Variants in VAV3 observed in about 807,000 individuals in gnomAD.
The protein encoded by VAV3 is vav guanine nucleotide exchange factor 3.
A neutral mutation model predicts 131.2 loss-of-function variants in VAV3; 94 were observed. The observed-to-expected ratio is 0.72, with a 90% CI of 0.61 to 0.85. The LOEUF (loss-of-function observed/expected upper bound fraction) is 0.85. VAV3 is among the 40% of genes least tolerant of loss of function. The pLI, the probability that VAV3 is intolerant of heterozygous loss-of-function variation, is 0.00. For synonymous variants in VAV3, 349 were observed against 342.0 expected, an observed-to-expected ratio of 1.02 and a Z score of -0.22; for missense variants, 939 against 1,002.7, an observed-to-expected ratio of 0.94 and a Z score of 0.86.
intron 1 of VAV3, among the ~76,000 whole-genome samples, chr1:107,917,028 C>A (rs1479758760): frequency 6.6e-6 from 1 of 152,098 alleles, no homozygotes; most frequent in Non-Finnish European, 1.5e-5. Context: ...TGGTGACGAT[C>A]AGATTGTCCA....
At chr1:107,604,293 T>C (rs1652096069) in intron 22 of VAV3, among the ~76,000 whole-genome samples, 1 of 152,118 alleles carries the variant, frequency 6.6e-6, no homozygotes, top group African/African-American at 2.4e-5. Context: ...AAAACGCACA[T>C]GACAGGCATT....
At chr1:107,859,650 C>T (rs193262634) in intron 2 of VAV3, among the ~76,000 whole-genome samples, 53 of 152,230 alleles carry the variant, frequency 3.5e-4, no homozygotes, top group African/African-American at 1.3e-3. Context: ...TTTATTCAAA[C>T]TCAAAGAGGA....
chr1:107,590,499 T>C (rs1650863723), intron 25 of VAV3, among the ~76,000 whole-genome samples: 1 of 152,178 alleles, frequency 6.6e-6, no homozygotes, highest in South Asian at 2.1e-4. Flanking sequence ...ATGTGAACTA[T>C]GAAATGGAGT....
chr1:107,926,177 G>A (rs1673150656), intron 1 of VAV3, among the ~76,000 whole-genome samples: 1 of 152,096 alleles, frequency 6.6e-6, no homozygotes, highest in Non-Finnish European at 1.5e-5. Flanking sequence ...AGCTACTCGC[G>A]AGGCTGAGGT....
intron 1 of VAV3, among the ~76,000 whole-genome samples, chr1:107,888,146 T>C (rs1309702888): frequency 1.3e-5 from 2 of 152,160 alleles, no homozygotes; most frequent in African/African-American, 4.8e-5. Context: ...ATAAAATACA[T>C]CAGAGAACAC....
At chr1:107,924,229 A>T (rs764463031) in intron 1 of VAV3, among the ~76,000 whole-genome samples, 68 of 152,200 alleles carry the variant, frequency 4.5e-4, no homozygotes, top group Non-Finnish European at 9.3e-4. Context: ...TTGAAGGCAA[A>T]GAATTAAAAA....
Position 107,574,068 on chromosome 1 carries a change from C to A in VAV3, c.2481G>T (p.Trp827Cys). Residue 827 changes from tryptophan to cysteine, a missense_variant, in exon 26 of 27, where the codon TGG becomes TGT. Physicochemically the swap from Trp to Cys is radical, Grantham distance 215. Coordinates refer to ENST00000370056, the MANE Select transcript of VAV3 (RefSeq NM_006113.5). ...IYTKMSANGW[W>C]RGEVNGRVGW... ...TTACCCTGCCATTTACTTCTCCTCT[C>A]CACCAGCCATTTGCACTCATCTTTG... is the stretch of plus-strand genomic sequence containing the variant. 6.2e-7 allele frequency: 1 copy of A among 1,614,158 alleles called. No homozygotes were observed. Among genetic ancestry groups the A allele is most frequent in the Non-Finnish European group, 8.5e-7 (1 of 1,180,014 alleles).
intron 15 of VAV3, among the ~76,000 whole-genome samples, chr1:107,715,444 T>C (rs554569826): frequency 6.6e-5 from 10 of 152,268 alleles, no homozygotes; most frequent in African/African-American, 2.4e-4. Flanking sequence ...CCTGAATAAA[T>C]TGAGATAATG....
rs184094112 is a variant in VAV3 at position 107,654,892 on chromosome 1, A to G, written c.1778-12137T>C. Among the ~76,000 whole-genome samples the G allele has an allele frequency of 5.5e-4, 84 of 152,256 alleles. No individual in the cohort carries two copies. In the East Asian group the frequency reaches 0.016, roughly 28 times the overall value. Reference sequence around the variant, plus strand: ...ATAGTACCTACATTCTAAAAGTATAATAAAAATATACAACAATAAAAATGT... The same window carrying G: ...ATAGTACCTACATTCTAAAAGTATAGTAAAAATATACAACAATAAAAATGT... On this transcript the variant is annotated intron_variant, in intron 19 of 26. Coordinates refer to ENST00000370056, the MANE Select transcript of VAV3 (RefSeq NM_006113.5).
chr1:107,813,343 AAAGC>A (rs2102337046), intron 2 of VAV3, among the ~76,000 whole-genome samples: 1 of 152,316 alleles, frequency 6.6e-6, no homozygotes, highest in Admixed American at 6.5e-5. Context: ...CAGCATGAGC[AAAGC>A]AAACTTACTC....
chr1:107,611,367 AC>A (rs1652713250), intron 21 of VAV3, among the ~76,000 whole-genome samples: 3 of 152,170 alleles, frequency 2.0e-5, no homozygotes, highest in African/African-American at 7.2e-5. Context: ...ATCCTAATAA[AC>A]AGCAATTAAT....
chr1:107,616,521 C>A (rs940337526), intron 21 of VAV3, among the ~76,000 whole-genome samples: 2 of 152,136 alleles, frequency 1.3e-5, no homozygotes, highest in African/African-American at 4.8e-5. Flanking sequence ...ATAATCTGTA[C>A]ACCAAACCCC....
intron 2 of VAV3, among the ~76,000 whole-genome samples, chr1:107,795,533 C>A (rs529142194): frequency 6.6e-6 from 1 of 152,082 alleles, no homozygotes; most frequent in Non-Finnish European, 1.5e-5. Flanking sequence ...CCCCTCCCCC[C>A]AGGAAAAAAA....
At chr1:107,620,035 A>T (rs1653448958) in intron 20 of VAV3, among the ~76,000 whole-genome samples, 2 of 152,188 alleles carry the variant, frequency 1.3e-5, no homozygotes, top group African/African-American at 4.8e-5. Context: ...GTGATACATG[A>T]AGTAGTAGTG....
chr1:107,656,887 C>T (rs146742823), intron 19 of VAV3, among the ~76,000 whole-genome samples: 18 of 151,512 alleles, frequency 1.2e-4, no homozygotes, highest in African/African-American at 4.1e-4. Context: ...CTGACCTCAG[C>T]ATATACAACA....
At chr1:107,639,992 T>G (rs1175689276) in intron 20 of VAV3, among the ~76,000 whole-genome samples, 1 of 151,142 alleles carries the variant, frequency 6.6e-6, no homozygotes, top group Admixed American at 6.6e-5. Context: ...AAGAGGCACC[T>G]AAAACTCACA....
intron 2 of VAV3, among the ~76,000 whole-genome samples, chr1:107,800,464 C>T (rs572321740): frequency 3.4e-4 from 52 of 152,096 alleles, no homozygotes; most frequent in African/African-American, 1.2e-3. Flanking sequence ...AACATTTTTT[C>T]GTATAAATAT....
intron 4 of VAV3, among the ~76,000 whole-genome samples, chr1:107,773,646 G>A (rs539570269): frequency 6.6e-5 from 10 of 152,276 alleles, no homozygotes; most frequent in African/African-American, 2.4e-4. Context: ...GGAGGAGGAA[G>A]GAAGAGGAAG....
At chr1:107,637,274 A>C (rs971844391) in intron 20 of VAV3, among the ~76,000 whole-genome samples, 1 of 152,212 alleles carries the variant, frequency 6.6e-6, no homozygotes, top group Non-Finnish European at 1.5e-5. Flanking sequence ...AACTCACTCG[A>C]GGAGAAGAAG....
Sources: gnomAD v4.1 joint callset for allele counts (sites outside exome capture counted in the v4.1 genomes callset) on GRCh38, gnomAD v4.1.1 for gene constraint, MANE v1.5 for transcripts, NCBI Gene and HGNC (gene_info 2026-07-23, HGNC 2026-07-21) for gene names.